Variants in KIZ observed in about 807,000 individuals in gnomAD.
KIZ encodes the protein kizuna centrosomal protein.
KIZ carries 68 observed loss-of-function variants against 79.6 expected under a neutral mutation model. The ratio of observed to expected loss-of-function variants is 0.85; its 90% CI spans 0.70 to 1.05. KIZ has a LOEUF of 1.05. Among genes scored for constraint, KIZ ranks in the 50% least tolerant of loss-of-function variants. The pLI, the probability that KIZ is intolerant of heterozygous loss-of-function variation, is 0.00. For synonymous variants in KIZ, 280 were observed against 281.8 expected (o/e 0.99, Z 0.06); for missense variants, 797 against 800.4 (o/e 1.00, Z 0.05).
At chr20:21,207,948 G>A (rs913888871) in intron 7 of KIZ, among the ~76,000 whole-genome samples, 4 of 151,988 alleles carry the variant, frequency 2.6e-5, no homozygotes, top group Admixed American at 2.0e-4. Context: ...CCTGACCTCG[G>A]GTGATCCGCG....
intron 6 of KIZ, among the ~76,000 whole-genome samples, chr20:21,178,447 A>T (rs1291021853): frequency 6.6e-6 from 1 of 151,408 alleles, no homozygotes; most frequent in Non-Finnish European, 1.5e-5. Flanking sequence ...ACTTTACTGA[A>T]TTCATTTATT....
At chr20:21,220,597 C>T (rs2036472326) in intron 9 of KIZ, among the ~76,000 whole-genome samples, 1 of 152,146 alleles carries the variant, frequency 6.6e-6, no homozygotes, top group African/African-American at 2.4e-5. Flanking sequence ...GATTCTCGTG[C>T]CACAGCCTCC....
intron 6 of KIZ, among the ~76,000 whole-genome samples, chr20:21,180,545 T>C (rs969728319): frequency 6.6e-6 from 1 of 152,114 alleles, no homozygotes; most frequent in Non-Finnish European, 1.5e-5. Context: ...ACTACGGGTG[T>C]AGCAAAACTC....
intron 10 of KIZ, among the ~76,000 whole-genome samples, chr20:21,230,933 C>T (rs1600604761): frequency 6.6e-6 from 1 of 152,218 alleles, no homozygotes; most frequent in East Asian, 1.9e-4. Flanking sequence ...ACACCGTGCT[C>T]AGAGCCTTTC....
rs542821443 is a variant in KIZ, at chr20:21,169,408, T to C, written c.1352+6249T>C. Among the ~76,000 whole-genome samples, 8 of 152,152 alleles carry C rather than the reference T, an allele frequency of 5.3e-5. No homozygotes were observed. The South Asian group carries it at 1.0e-3, about 20-fold the overall frequency. On this transcript the variant is annotated intron_variant, in intron 6 of 12. Transcript: ENST00000619189. ...CATCTCACACCAGTTAGAATGGCGATCATTAAAAAGTCAGGAAACAACAGG... is the reference window on the plus strand; with the variant it reads ...CATCTCACACCAGTTAGAATGGCGACCATTAAAAAGTCAGGAAACAACAGG...
At chr20:21,193,084 G>C (rs953574193) in intron 6 of KIZ, among the ~76,000 whole-genome samples, 2 of 152,162 alleles carry the variant, frequency 1.3e-5, no homozygotes, top group South Asian at 4.1e-4. Context: ...GGGAAGGTCA[G>C]AGAGACCTTG....
chr20:21,165,489 A>G (rs940305285), intron 6 of KIZ, among the ~76,000 whole-genome samples: 1 of 152,246 alleles, frequency 6.6e-6, no homozygotes, highest in Non-Finnish European at 1.5e-5. Context: ...AGTTCACTCT[A>G]TGCTTTGTAG....
chr20:21,146,790 T>G (rs2032870035), intron 4 of KIZ, among the ~76,000 whole-genome samples: 1 of 152,110 alleles, frequency 6.6e-6, no homozygotes, highest in Non-Finnish European at 1.5e-5. Flanking sequence ...AATCTGAGTT[T>G]ATAGGAAGTT....
chr20:21,233,063 C>T, intron 11 of KIZ: 1 of 533,298 alleles, frequency 1.9e-6, no homozygotes, highest in East Asian at 3.2e-5. Context: ...TCAATTGACA[C>T]CTCAGTGAAC....
chr20:21,153,065 C>T lies in KIZ; in HGVS notation c.405+7411C>T, dbSNP rs137922647. Among the ~76,000 whole-genome samples the T allele has an allele frequency of 2.2e-3, 332 of 152,244 alleles. 1 individual carries two copies. The highest frequency in any genetic ancestry group is 7.9e-3 in the African/African-American group (327 of 41,554). On this transcript the variant is annotated intron_variant, in intron 4 of 12. Transcript: ENST00000619189. ...GGAGTCCTGGTATCTGAGTTTAAAT[C>T]CTGGCTCTGTGAACATGGACAAGTT...
In KIZ at chr20:21,163,091, T is replaced by C. The variant is rs1433304704; in HGVS notation, c.1284T>C (p.Asn428=). 1.2e-6 allele frequency: 2 copies of C among 1,613,772 alleles called. No homozygotes were observed. Among genetic ancestry groups the C allele is most frequent in the African/African-American group, 1.3e-5 (1 of 75,014 alleles). Residue 428 remains asparagine (N), a synonymous_variant, in exon 6 of 13, where the codon AAT becomes AAC. Transcript: ENST00000619189. ...GAGTTGCCCTATCCACTGAAAAAAA[T>C]TGTATTTTGCAAACCCTAAGCTCTC... The part of the protein sequence containing the change: ...QERVALSTEK[N]CILQTLSSPD...
At chr20:21,161,487 GTGCCCGGCTAA>G in intron 4 of KIZ, among the ~76,000 whole-genome samples, 1 of 30,142 alleles carries the variant, frequency 3.3e-5, no homozygotes, top group South Asian at 3.7e-3. Context: ...ACCTGCCACC[GTGCCCGGCTAA>G]TTTTTGTATT....
At chr20:21,205,669 A>G in intron 7 of KIZ, 85 bp downstream of exon 7, 1 of 651,228 alleles carries the variant, frequency 1.5e-6, no homozygotes, top group Non-Finnish European at 2.5e-6. Context: ...AAAAAAAAAA[A>G]AAAAAAGTTT....
intron 3 of KIZ, among the ~76,000 whole-genome samples, chr20:21,141,660 G>A (rs2032537137): frequency 6.6e-6 from 1 of 152,046 alleles, no homozygotes; most frequent in African/African-American, 2.4e-5. Context: ...ATTCAGGGAG[G>A]ATCCCCATGG....
At chr20:21,186,148 A>T (rs935096493) in intron 6 of KIZ, among the ~76,000 whole-genome samples, 1 of 152,174 alleles carries the variant, frequency 6.6e-6, no homozygotes, top group Non-Finnish European at 1.5e-5. Context: ...GTTCTAATTT[A>T]TGTGATAAAT....
At chr20:21,129,057 T>C (rs1401975719) in intron 1 of KIZ, among the ~76,000 whole-genome samples, 2 of 152,212 alleles carry the variant, frequency 1.3e-5, no homozygotes, top group Non-Finnish European at 2.9e-5. Context: ...AATAGAGATT[T>C]AATATGTAAG....
chr20:21,228,607 T>G (rs2036729956), intron 9 of KIZ, among the ~76,000 whole-genome samples: 1 of 152,142 alleles, frequency 6.6e-6, no homozygotes. Context: ...GCCCCTGCAC[T>G]TGAGTGTGAG....
chr20:21,173,216 T>G (rs1389792208), intron 6 of KIZ, among the ~76,000 whole-genome samples: 1 of 152,078 alleles, frequency 6.6e-6, no homozygotes, highest in Non-Finnish European at 1.5e-5. Flanking sequence ...TGCTGTTGCT[T>G]TGGACTGTGG....
At chr20:21,215,532 C>T in intron 8 of KIZ, 51 bp from the exon 9 acceptor site, 1 of 1,063,134 alleles carries the variant, frequency 9.4e-7, no homozygotes, top group African/African-American at 1.6e-5. Context: ...CCCAAAGGAT[C>T]TATTCCTTAA....
Sources: gnomAD v4.1 joint callset for allele counts (sites outside exome capture counted in the v4.1 genomes callset) on GRCh38, gnomAD v4.1.1 for gene constraint, MANE v1.5 for transcripts, NCBI Gene and HGNC (gene_info 2026-07-23, HGNC 2026-07-21) for gene names.